The following CHAC2 variants were observed in gnomAD, a reference collection of about 807,000 sequenced individuals.
CHAC2 encodes the protein ChaC glutathione specific gamma-glutamylcyclotransferase 2.
CHAC2 carries 20 observed loss-of-function variants against 16.9 expected under a neutral mutation model. The ratio of observed to expected loss-of-function variants is 1.18; its 90% confidence interval spans 0.83 to 1.72. The LOEUF (loss-of-function observed/expected upper bound fraction) is 1.72. CHAC2 is among the 40% of genes most tolerant of loss of function. The probability of loss-of-function intolerance (pLI) is 0.00; values close to 1 mark genes in which losing one functional copy is unlikely to be tolerated. For synonymous variants in CHAC2, 91 were observed against 77.3 expected, an observed-to-expected ratio of 1.18 and a Z score of -0.93; for missense variants, 269 against 222.2, an observed-to-expected ratio of 1.21 and a Z score of -1.34.
At chr2:53,771,700 C>T (rs909354144) in intron 1 of CHAC2, among the ~76,000 whole-genome samples, 1 of 151,994 alleles carries the variant, frequency 6.6e-6, no homozygotes, top group Non-Finnish European at 1.5e-5. Flanking sequence ...TGATGGAAAT[C>T]TTTTAGAAAG....
chr2:53,774,927 C>G lies in CHAC2; in HGVS notation c.*402C>G, dbSNP rs2542581. 102 of 154,818 alleles carry G rather than the reference C, an allele frequency of 6.6e-4. No individual in the cohort carries two copies. Among genetic ancestry groups the G allele is most frequent in the Non-Finnish European group, 4.3e-5 (3 of 69,622 alleles). The allele number at this position is 154,818 out of a possible 1,614,324, so 9.6% of individuals were successfully genotyped here. ...ATATATTCCTATACAATTCTGTAAC[C>G]ATGGTTTAAAATACACAAGCTTAAA... On this transcript the variant is annotated 3_prime_UTR_variant, in exon 3 of 3. Coordinates refer to ENST00000295304, the MANE Select transcript of CHAC2 (RefSeq NM_001008708.4).
chr2:53,767,877 C>T lies in CHAC2; in HGVS notation c.-10C>T. ...GTTCACGGCCACTGGGGCAGAGGAG[C>T]CGCGAGAAGATGTGGGTTTTTGGTT... On this transcript the variant is annotated 5_prime_UTR_variant, in exon 1 of 3. Transcript: ENST00000295304. The T allele has an allele frequency of 6.2e-7, 1 of 1,602,158 alleles. No individual in the cohort carries two copies. The highest frequency in any genetic ancestry group is 8.5e-7 in the Non-Finnish European group (1 of 1,174,540).
chr2:53,767,859 G>A lies in CHAC2; in HGVS notation c.-28G>A. The A allele has an allele frequency of 6.3e-7, 1 of 1,588,510 alleles. No homozygotes were observed. Among genetic ancestry groups the A allele is most frequent in the Non-Finnish European group, 8.6e-7 (1 of 1,167,260 alleles). On this transcript the variant is annotated 5_prime_UTR_variant, in exon 1 of 3. Transcript: ENST00000295304. ...GGCGCGGCGACAGCTAGGGTTCACGGCCACTGGGGCAGAGGAGCCGCGAGA... is the reference window on the plus strand; with the variant it reads ...GGCGCGGCGACAGCTAGGGTTCACGACCACTGGGGCAGAGGAGCCGCGAGA...
At position 53,767,847 on chromosome 2, in the gene CHAC2, C is replaced by T. The variant is rs765670565; in HGVS notation, c.-40C>T. 3 of 1,576,134 alleles carry T rather than the reference C, an allele frequency of 1.9e-6. No homozygotes were observed. In the South Asian group the frequency reaches 3.5e-5, roughly 18 times the overall value. On this transcript the variant is annotated 5_prime_UTR_variant, in exon 1 of 3. Transcript: ENST00000295304. The stretch of plus-strand genomic sequence containing the variant: ...TCAGTCCCCGGCGGCGCGGCGACAG[C>T]TAGGGTTCACGGCCACTGGGGCAGA...
At chr2:53,768,146 G>T in intron 1 of CHAC2, 125 bp downstream of exon 1, 2 of 1,127,634 alleles carry the variant, frequency 1.8e-6, no homozygotes, top group Non-Finnish European at 1.2e-6. Context: ...ACATGGCTTG[G>T]GGTAACATTT....
At position 53,774,360 on chromosome 2, in the gene CHAC2, A is replaced by G. The variant is rs970852057; in HGVS notation, c.390A>G (p.Gln130=). 6.2e-7 allele frequency: 1 copy of G among 1,613,380 alleles called. No homozygotes were observed. Among genetic ancestry groups the G allele is most frequent in the African/African-American group, 1.3e-5 (1 of 74,898 alleles). The change falls in exon 3 of 3, where the codon CAA becomes CAG. Residue 130 remains glutamine (Q), a synonymous_variant. Coordinates refer to ENST00000295304, the MANE Select transcript of CHAC2 (RefSeq NM_001008708.4). ...GPAPLEDIAE[Q]IFNAAGPSGR... ...CACCTCTGGAAGACATTGCTGAACA[A>G]ATTTTTAATGCAGCTGGTCCAAGTG... is the stretch of plus-strand genomic sequence containing the variant.
At chr2:53,773,455 C>T (rs1464516124) in intron 2 of CHAC2, among the ~76,000 whole-genome samples, 3 of 151,892 alleles carry the variant, frequency 2.0e-5, no homozygotes, top group African/African-American at 7.3e-5. Flanking sequence ...TTTTTTGAGA[C>T]AGTCTCACTC....
chr2:53,768,609 C>T (rs1480086750), intron 1 of CHAC2, among the ~76,000 whole-genome samples: 1 of 152,138 alleles, frequency 6.6e-6, no homozygotes. Flanking sequence ...GTTTTCAGTA[C>T]TAGTGAAGTT....
At chr2:53,773,720 C>T (rs1674114752) in intron 2 of CHAC2, among the ~76,000 whole-genome samples, 1 of 151,804 alleles carries the variant, frequency 6.6e-6, no homozygotes, top group Admixed American at 6.6e-5. Flanking sequence ...TGAGCCACCG[C>T]TCCTGGCCCA....
intron 1 of CHAC2, 133 bp downstream of exon 1, chr2:53,768,154 T>C (rs1446361187): frequency 2.2e-5 from 23 of 1,041,640 alleles, no homozygotes; most frequent in Non-Finnish European, 3.1e-5. Context: ...TGGGGTAACA[T>C]TTCTGTAGAT....
chr2:53,768,132 A>G (rs1337761982), intron 1 of CHAC2, 111 bp downstream of exon 1: 8 of 1,255,288 alleles, frequency 6.4e-6, no homozygotes, highest in Non-Finnish European at 7.7e-6. Context: ...CATGGGGCCA[A>G]AGCACATGGC....
chr2:53,774,496 G>A lies in CHAC2; in HGVS notation c.526G>A (p.Glu176Lys), dbSNP rs772317458. Reference sequence around the variant, plus strand: ...GGAAAAATTAGTAAAGGAACGTTTAGAAGGGAAACAGAACCTCAATTGCAT... The same window carrying A: ...GGAAAAATTAGTAAAGGAACGTTTAAAAGGGAAACAGAACCTCAATTGCAT... ...ALEKLVKERL[E>K]GKQNLNCI Residue 176 changes from glutamate to lysine, a missense_variant, in exon 3 of 3, where the codon GAA becomes AAA. Glu to Lys is a moderately conservative substitution (Grantham distance 56, BLOSUM62 1). Coordinates refer to ENST00000295304, the MANE Select transcript of CHAC2 (RefSeq NM_001008708.4). 2.6e-6 allele frequency: 4 copies of A among 1,566,812 alleles called. No homozygotes were observed. Among genetic ancestry groups the A allele is most frequent in the Non-Finnish European group, 3.4e-6 (4 of 1,161,332 alleles).
At position 53,774,889 on chromosome 2, in the gene CHAC2, G is replaced by C. The variant is rs890037811; in HGVS notation, c.*364G>C. 1 of 166,244 alleles carries C rather than the reference G, an allele frequency of 6.0e-6. No individual in the cohort carries two copies. The highest frequency in any genetic ancestry group is 1.3e-5 in the Non-Finnish European group (1 of 77,246). 10.3% of individuals were successfully genotyped at this position (166,244 alleles called of 1,614,324 possible). ...TAAACCAAAATTCCAATAAATATAA[G>C]GTTATGCCTTCAATATATTCCTATA... On this transcript the variant is annotated 3_prime_UTR_variant, in exon 3 of 3. Transcript: ENST00000295304.
intron 1 of CHAC2, among the ~76,000 whole-genome samples, chr2:53,769,301 A>T (rs965333918): frequency 6.6e-6 from 1 of 152,234 alleles, no homozygotes; most frequent in South Asian, 2.1e-4. Context: ...GCTTGAGGCC[A>T]GGAGTTTGAG....
Position 53,774,479 on chromosome 2 carries a change from T to C in CHAC2, c.509T>C (p.Leu170Ser). 6.3e-7 allele frequency: 1 copy of C among 1,586,090 alleles called. No individual in the cohort carries two copies. The highest frequency in any genetic ancestry group is 8.5e-7 in the Non-Finnish European group (1 of 1,170,470). Residue 170 changes from leucine to serine, a missense_variant, in exon 3 of 3, where the codon TTA becomes TCA. By Grantham distance (145) the Leu-to-Ser change is moderately radical. Coordinates refer to ENST00000295304, the MANE Select transcript of CHAC2 (RefSeq NM_001008708.4). ...ADEHLFALEK[L>S]VKERLEGKQN... ...GAGCATCTTTTCGCTTTGGAAAAAT[T>C]AGTAAAGGAACGTTTAGAAGGGAAA...
Position 53,774,695 on chromosome 2 carries a change from T to A in CHAC2, c.*170T>A. 1 of 523,418 alleles carries A rather than the reference T, an allele frequency of 1.9e-6. No individual in the cohort carries two copies. Among genetic ancestry groups the A allele is most frequent in the Non-Finnish European group, 3.2e-6 (1 of 316,240 alleles). 32.4% of individuals were successfully genotyped at this position (523,418 alleles called of 1,614,324 possible). ...TATTGGGATACAGTGAAAGAAAAAT[T>A]CAAATTTTAATAACATAAAGATTTC... On this transcript the variant is annotated 3_prime_UTR_variant, in exon 3 of 3. Transcript: ENST00000295304.
chr2:53,774,362 T>C lies in CHAC2; in HGVS notation c.392T>C (p.Ile131Thr), dbSNP rs1364454665. 1 of 1,613,344 alleles carries C rather than the reference T, an allele frequency of 6.2e-7. No homozygotes were observed. Among genetic ancestry groups the C allele is most frequent in the African/African-American group, 1.3e-5 (1 of 74,916 alleles). The stretch of plus-strand genomic sequence containing the variant: ...CCTCTGGAAGACATTGCTGAACAAA[T>C]TTTTAATGCAGCTGGTCCAAGTGGA... ...PAPLEDIAEQIFNAAGPSGRN... is the reference protein window; with the variant it reads ...PAPLEDIAEQTFNAAGPSGRN... The change falls in exon 3 of 3, where the codon ATT becomes ACT. Residue 131 changes from isoleucine (I) to threonine (T), a missense_variant. Transcript: ENST00000295304.
At chr2:53,773,538 C>G (rs1050169018) in intron 2 of CHAC2, among the ~76,000 whole-genome samples, 1 of 152,084 alleles carries the variant, frequency 6.6e-6, no homozygotes, top group African/African-American at 2.4e-5. Context: ...TCAAGCAATG[C>G]TCCTGCCTCA....
At chr2:53,769,418 T>C (rs79224144) in intron 1 of CHAC2, among the ~76,000 whole-genome samples, 4,785 of 152,368 alleles carry the variant, frequency 0.031, 108 homozygotes, top group East Asian at 0.091. Flanking sequence ...TGTATGTGGC[T>C]ATAACAACAT....
Sources: allele counts gnomAD v4.1 joint callset (sites outside exome capture counted in the v4.1 genomes callset), GRCh38; gene constraint gnomAD v4.1.1; transcripts MANE v1.5; gene names NCBI Gene and HGNC (gene_info 2026-07-23, HGNC 2026-07-21).